The following RBMS3 variants were observed in gnomAD, a reference collection of about 807,000 sequenced individuals.
RBMS3 encodes the protein RNA-binding motif, single-stranded-interacting protein 3.
A neutral mutation model predicts 66.8 loss-of-function variants in RBMS3; 27 were observed. That is an observed-to-expected ratio of 0.40 (90% confidence interval 0.30 to 0.56). RBMS3 has a LOEUF of 0.56. Ranked by LOEUF, RBMS3 falls within the 20% of genes least tolerant of loss-of-function variation. The pLI, the probability that RBMS3 is intolerant of heterozygous loss-of-function variation, is 0.40. For missense variants in RBMS3, 513 were observed against 549.5 expected (o/e 0.93, Z 0.66); for synonymous variants, 188 against 183.0 (o/e 1.03, Z -0.22).
At chr3:29,620,507 G>A (rs2149152590) in intron 4 of RBMS3, among the ~76,000 whole-genome samples, 1 of 152,184 alleles carries the variant, frequency 6.6e-6, no homozygotes, top group East Asian at 1.9e-4. Context: ...AAACTCTTAT[G>A]ACATGGGTCA....
chr3:29,407,252 G>A (rs1311797358), intron 1 of RBMS3, among the ~76,000 whole-genome samples: 2 of 152,158 alleles, frequency 1.3e-5, no homozygotes, highest in Non-Finnish European at 2.9e-5. Flanking sequence ...AACTGCCTAA[G>A]AAGGTTGATA....
intron 4 of RBMS3, among the ~76,000 whole-genome samples, chr3:29,657,051 G>A (rs923218862): frequency 1.3e-5 from 2 of 152,170 alleles, no homozygotes; most frequent in African/African-American, 2.4e-5. Context: ...AAGTCTGAGA[G>A]TGGCACATGT....
intron 6 of RBMS3, among the ~76,000 whole-genome samples, chr3:29,791,674 A>C (rs1015488461): frequency 2.0e-5 from 3 of 152,154 alleles, no homozygotes; most frequent in Non-Finnish European, 2.9e-5. Context: ...CTCTATCCCT[A>C]AACTTTATCC....
intron 1 of RBMS3, among the ~76,000 whole-genome samples, chr3:29,333,343 C>G (rs2035771418): frequency 6.6e-6 from 1 of 151,990 alleles, no homozygotes; most frequent in South Asian, 2.1e-4. Context: ...AGGGTTTATG[C>G]CCAATTAGAA....
intron 4 of RBMS3, among the ~76,000 whole-genome samples, chr3:29,613,406 C>A (rs565173701): frequency 7.2e-5 from 11 of 152,140 alleles, no homozygotes; most frequent in African/African-American, 2.6e-4. Context: ...GATGGACCCT[C>A]ATGTTCATTT....
In RBMS3 at chr3:29,649,979, C is replaced by T. The variant is rs188026338; in HGVS notation, c.399+62774C>T. On this transcript the variant is annotated intron_variant, in intron 4 of 14. Transcript: ENST00000383767. Reference sequence around the variant, plus strand: ...TCGCACAAGGCCAAGTGCTCTTATTCGGAAGGACTGATTCCCTATTGGCCA... The same window carrying T: ...TCGCACAAGGCCAAGTGCTCTTATTTGGAAGGACTGATTCCCTATTGGCCA... 7.9e-5 allele frequency among the ~76,000 whole-genome samples: 12 copies of T among 152,218 alleles called. No homozygotes were observed. In the East Asian group the frequency reaches 9.7e-4, roughly 12 times the overall value.
chr3:29,877,035 A>T (rs961564162), intron 7 of RBMS3, among the ~76,000 whole-genome samples: 2 of 152,208 alleles, frequency 1.3e-5, no homozygotes, highest in African/African-American at 4.8e-5. Context: ...ATAGGAGAAG[A>T]TATTATACCA....
intron 3 of RBMS3, among the ~76,000 whole-genome samples, chr3:29,582,679 A>C (rs949988144): frequency 1.3e-5 from 2 of 152,220 alleles, no homozygotes; most frequent in East Asian, 3.8e-4. Flanking sequence ...ATGTAGGTAC[A>C]GAGGTTGCTG....
intron 4 of RBMS3, among the ~76,000 whole-genome samples, chr3:29,669,769 T>C (rs999397196): frequency 4.6e-5 from 7 of 152,290 alleles, no homozygotes; most frequent in Admixed American, 3.3e-4. Context: ...TGTTCAGTGC[T>C]AGTTTTGTTG....
rs192679787 is a variant in RBMS3, at chr3:29,658,149, C to T, written c.399+70944C>T. Among the ~76,000 whole-genome samples the T allele has an allele frequency of 2.7e-4, 41 of 152,218 alleles. No homozygotes were observed. In the East Asian group the frequency reaches 7.7e-3, roughly 29 times the overall value. ...TAAAGGGAAGATAATAAAAATAGGA[C>T]CCGTGATGTCTTAGCAGGAATTAAT... On this transcript the variant is annotated intron_variant, in intron 4 of 14. Transcript: ENST00000383767.
rs181803911 is a variant in RBMS3, at chr3:29,656,463, G to A, written c.399+69258G>A. 9.9e-4 allele frequency among the ~76,000 whole-genome samples: 150 copies of A among 152,272 alleles called. 1 individual carries two copies. Among genetic ancestry groups the A allele is most frequent in the South Asian group, 5.0e-3 (24 of 4,834 alleles). ...GCCCAGCTGTATAGCAGATTATGCC[G>A]TCTAGGTGTGTCTAAGTACACTCTG... On this transcript the variant is annotated intron_variant, in intron 4 of 14. Coordinates refer to ENST00000383767, the MANE Select transcript of RBMS3 (RefSeq NM_001003793.3).
chr3:29,766,539 G>A (rs1316366525), intron 6 of RBMS3: 1 of 151,992 alleles, frequency 6.6e-6, no homozygotes, highest in African/African-American at 2.4e-5. Flanking sequence ...AGATAAGTGA[G>A]TTGGAAGAGA....
At chr3:29,350,967 A>G (rs2125558325) in intron 1 of RBMS3, among the ~76,000 whole-genome samples, 1 of 152,260 alleles carries the variant, frequency 6.6e-6, no homozygotes, top group East Asian at 1.9e-4. Flanking sequence ...ATCTACCATT[A>G]ACAATTCTGC....
chr3:29,315,782 TA>T (rs950785668), intron 1 of RBMS3, among the ~76,000 whole-genome samples: 9 of 151,870 alleles, frequency 5.9e-5, no homozygotes, highest in African/African-American at 2.2e-4. Flanking sequence ...AATCAAATTT[TA>T]GGAGTAGAAT....
intron 6 of RBMS3, among the ~76,000 whole-genome samples, chr3:29,827,159 A>C (rs2058232160): frequency 6.6e-6 from 1 of 152,182 alleles, no homozygotes; most frequent in South Asian, 2.1e-4. Context: ...GCTAGAACCT[A>C]GCTATCCTTT....
At chr3:29,338,351 A>C (rs774582153) in intron 1 of RBMS3, among the ~76,000 whole-genome samples, 1 of 152,180 alleles carries the variant, frequency 6.6e-6, no homozygotes, top group Non-Finnish European at 1.5e-5. Context: ...GTGTCAACTG[A>C]AGCACAAAAA....
chr3:29,336,942 A>G (rs1272922776), intron 1 of RBMS3, among the ~76,000 whole-genome samples: 6 of 152,138 alleles, frequency 3.9e-5, no homozygotes, highest in Non-Finnish European at 8.8e-5. Flanking sequence ...TAGACTTCTA[A>G]TACTCTTTGG....
intron 4 of RBMS3, among the ~76,000 whole-genome samples, chr3:29,592,614 T>C (rs1419169801): frequency 6.6e-6 from 1 of 152,058 alleles, no homozygotes; most frequent in East Asian, 1.9e-4. Context: ...TCCTCAAGGA[T>C]CTAGAAATAG....
At chr3:29,587,655 AGT>A (rs919700614) in intron 4 of RBMS3, among the ~76,000 whole-genome samples, 9 of 151,964 alleles carry the variant, frequency 5.9e-5, no homozygotes, top group African/African-American at 2.2e-4. Flanking sequence ...TGCTAAAAAA[AGT>A]GTGTGTTCTC....
Sources: gnomAD v4.1 joint callset for allele counts (sites outside exome capture counted in the v4.1 genomes callset) on GRCh38, gnomAD v4.1.1 for gene constraint, MANE v1.5 for transcripts, NCBI Gene and HGNC (gene_info 2026-07-23, HGNC 2026-07-21) for gene names.